Variants in CCNG1 observed in about 807,000 individuals in gnomAD.
CCNG1 encodes the protein cyclin-G1.
Under a neutral mutation model 30.0 loss-of-function variants are expected in CCNG1, and 13 were observed. The ratio of observed to expected loss-of-function variants is 0.43; its 90% CI spans 0.28 to 0.69. CCNG1 has a LOEUF of 0.69. CCNG1 is among the 30% of genes least tolerant of loss of function. The pLI is 0.16. For missense variants in CCNG1, 285 were observed against 331.4 expected, an observed-to-expected ratio of 0.86 and a Z score of 1.09; for synonymous variants, 110 against 121.5, an observed-to-expected ratio of 0.91 and a Z score of 0.62.
At chr5:163,446,189 A>G (rs530883863), downstream of CCNG1, 120 of 152,364 alleles carry the variant, frequency 7.9e-4, 1 homozygote, top group Middle Eastern at 3.4e-3. Context: ...ATAATGTTTC[A>G]TAGTATTTTT....
chr5:163,438,239 C>A (rs1361755899), intron 1 of CCNG1, among the ~76,000 whole-genome samples: 4 of 152,150 alleles, frequency 2.6e-5, no homozygotes, highest in African/African-American at 7.2e-5. Context: ...CCGCACCCCC[C>A]CGCCCCAATA....
rs2069359 is a variant in CCNG1 at position 163,443,136 on chromosome 5, C to G, written c.*4-538C>G. ...CATCCTGGCCAACATGGTGAAACCC[C>G]GTCTCTGCTAAAAAATACAAAAAAA... On this transcript the variant is annotated intron_variant, in intron 6 of 6. Transcript: ENST00000340828. Among the ~76,000 whole-genome samples the G allele has an allele frequency of 3.3e-3, 509 of 152,106 alleles. 1 individual carries two copies. The highest frequency in any genetic ancestry group is 0.012 in the African/African-American group (493 of 41,486).
At chr5:163,453,955 G>GA in the CCNG1 span, 6 of 1,466,624 alleles carry the variant, frequency 4.1e-6, no homozygotes, top group Admixed American at 2.1e-5. Context: ...CAGAATGCAG[G>GA]AAAAAAAGCA....
chr5:163,443,541 A>G (rs1285248944), intron 6 of CCNG1, 133 bp from the exon 7 acceptor site: 2 of 588,854 alleles, frequency 3.4e-6, no homozygotes, highest in Non-Finnish European at 6.0e-6. Flanking sequence ...TCTACTCAAA[A>G]CTAAATGTTA....
At chr5:163,442,243 A>T (rs1267421714) in intron 5 of CCNG1, 100 bp downstream of exon 5, 1 of 1,094,092 alleles carries the variant, frequency 9.1e-7, no homozygotes, top group Non-Finnish European at 1.3e-6. Context: ...GTTTATTTGA[A>T]ACTTAAGTAG....
the CCNG1 span, chr5:163,452,201 G>C: frequency 6.6e-6 from 1 of 152,166 alleles, no homozygotes; most frequent in African/African-American, 2.4e-5. Context: ...AATATACATA[G>C]ATGCAGAAAT....
At chr5:163,453,750 C>T in the CCNG1 span, 1 of 344,544 alleles carries the variant, frequency 2.9e-6, no homozygotes, top group Non-Finnish European at 5.3e-6. Flanking sequence ...TGAGCAAAAA[C>T]AAGTCCAAAA....
At chr5:163,450,242 CAG>C (rs1758144308), downstream of CCNG1, 1 of 152,158 alleles carries the variant, frequency 6.6e-6, no homozygotes, top group Non-Finnish European at 1.5e-5. Context: ...GCCTGGGTGA[CAG>C]AGTGAGAATG....
intron 2 of CCNG1, 34 bp from the exon 3 acceptor site, chr5:163,441,044 C>A: frequency 6.3e-7 from 1 of 1,590,892 alleles, no homozygotes; most frequent in South Asian, 1.1e-5. Context: ...AAGGTAGAGT[C>A]ATGGGCTTAC....
At chr5:163,442,695 A>G (rs1488236843) in intron 6 of CCNG1, 127 bp downstream of exon 6, 1 of 701,786 alleles carries the variant, frequency 1.4e-6, no homozygotes, top group Non-Finnish European at 2.4e-6. Context: ...GGGAGATGAC[A>G]TCACTGATCT....
chr5:163,448,292 T>G (rs1347076095), downstream of CCNG1: 2 of 151,716 alleles, frequency 1.3e-5, no homozygotes, highest in Non-Finnish European at 2.9e-5. Flanking sequence ...GCAGTAAAAT[T>G]GATAAACCTC....
chr5:163,457,135 A>ATT, the CCNG1 span: 1 of 1,446,862 alleles, frequency 6.9e-7, no homozygotes, highest in Non-Finnish European at 9.2e-7. Context: ...TTCTTCATCA[A>ATT]GTTGTTTTTT....
the CCNG1 span, among the ~76,000 whole-genome samples, chr5:163,455,038 A>G: frequency 6.6e-6 from 1 of 152,168 alleles, no homozygotes; most frequent in African/African-American, 2.4e-5. Flanking sequence ...ACAAATGAGC[A>G]TATACGTATC....
chr5:163,453,764 C>T, the CCNG1 span: 1 of 362,732 alleles, frequency 2.8e-6, no homozygotes, highest in Admixed American at 4.6e-5. Context: ...TCCAAAACAA[C>T]TTTACCATAT....
At chr5:163,451,667 G>A in the CCNG1 span, 2 of 152,174 alleles carry the variant, frequency 1.3e-5, no homozygotes, top group Non-Finnish European at 2.9e-5. Flanking sequence ...GAGGTATTAG[G>A]GTCCAGGCAG....
rs751747655 is a variant in CCNG1, at chr5:163,443,742, G to T, written c.*72G>T. 2.0e-6 allele frequency: 3 copies of T among 1,518,920 alleles called. No homozygotes were observed. The highest frequency in any genetic ancestry group is 2.6e-6 in the Non-Finnish European group (3 of 1,134,072). 94.1% of individuals were successfully genotyped at this position (1,518,920 alleles called of 1,614,324 possible). A position where few individuals can be genotyped will look rare whatever the true frequency, so the allele number is the denominator to read the frequency against. The stretch of plus-strand genomic sequence containing the variant: ...AACCTTGTTCTATGGATTCCATAAT[G>T]TTACAATGGATTTAAGCTATGAAGC... On this transcript the variant is annotated 3_prime_UTR_variant, in exon 7 of 7. Transcript: ENST00000340828.
chr5:163,441,822 T>A, intron 3 of CCNG1, 64 bp from the exon 4 acceptor site: 1 of 1,009,712 alleles, frequency 9.9e-7, no homozygotes, highest in Non-Finnish European at 1.5e-6. Context: ...AATGTTTTTC[T>A]AAAAACATCT....
the CCNG1 span, chr5:163,453,618 G>C: frequency 6.3e-6 from 1 of 159,820 alleles, no homozygotes. Flanking sequence ...CTTATCAAAA[G>C]AAAAAGTTAA....
downstream of CCNG1, among the ~76,000 whole-genome samples, chr5:163,445,723 G>A (rs949319488): frequency 3.5e-5 from 5 of 143,896 alleles, no homozygotes; most frequent in Non-Finnish European, 1.5e-5. Context: ...CTCCCAAAGT[G>A]CTGAGATTAC....
Sources: allele counts gnomAD v4.1 joint callset (sites outside exome capture counted in the v4.1 genomes callset), GRCh38; gene constraint gnomAD v4.1.1; transcripts MANE v1.5; gene names NCBI Gene and HGNC (gene_info 2026-07-23, HGNC 2026-07-21).